The following P4HB variants were observed in gnomAD, a reference collection of about 807,000 sequenced individuals.
P4HB encodes the protein prolyl 4-hydroxylase subunit beta.
A neutral mutation model predicts 52.6 loss-of-function variants in P4HB; 20 were observed. The observed-to-expected ratio is 0.38, with a 90% CI of 0.27 to 0.55. The LOEUF is 0.55. P4HB is among the 20% of genes least tolerant of loss of function. The probability of loss-of-function intolerance (pLI) is 0.74; values close to 1 mark genes in which losing one functional copy is unlikely to be tolerated. For missense variants in P4HB, 601 were observed against 669.2 expected (o/e 0.90, Z 1.12); for synonymous variants, 296 against 277.9 (o/e 1.07, Z -0.65).
At position 81,845,968 on chromosome 17, in the gene P4HB, C is replaced by T. The variant is rs2143316672; in HGVS notation, c.1080G>A (p.Leu360=). ...KIKPHLMSQE[L]PEDWDKQPVK... ...CAGGCTGCTTGTCCCAGTCCTCCGG[C>T]AGCTCCTGGCTCATCAGGTGGGGCT... is the stretch of plus-strand genomic sequence containing the variant. The change falls in exon 8 of 11, where the codon CTG becomes CTA. Residue 360 remains leucine (L), a synonymous_variant. Transcript: ENST00000331483. 1.2e-6 allele frequency: 2 copies of T among 1,611,360 alleles called. No individual in the cohort carries two copies. Among genetic ancestry groups the T allele is most frequent in the Non-Finnish European group, 1.7e-6 (2 of 1,178,480 alleles).
chr17:81,848,214 TCA>T (rs1359427241), intron 4 of P4HB, among the ~76,000 whole-genome samples: 1 of 152,186 alleles, frequency 6.6e-6, no homozygotes, highest in Non-Finnish European at 1.5e-5. Context: ...AAAGCTATTT[TCA>T]CACTCACACT....
intron 10 of P4HB, 84 bp from the exon 11 acceptor site, chr17:81,844,176 A>C: frequency 1.0e-6 from 1 of 968,522 alleles, no homozygotes; most frequent in Non-Finnish European, 1.7e-6. Context: ...CACTGCTCAC[A>C]CCGGGGACTA....
At chr17:81,859,446 C>A in intron 1 of P4HB, 59 bp from the exon 2 acceptor site, 1 of 1,410,500 alleles carries the variant, frequency 7.1e-7, no homozygotes, top group South Asian at 1.2e-5. Flanking sequence ...GCCTTGATCC[C>A]TCAGCAGTGC....
In P4HB at chr17:81,855,558, G is replaced by A; in HGVS notation, c.381C>T (p.Asn127=). ...TAGREADDIV[N]WLKKRTGPAA... ...CCGGGCCCGTGCGCTTCTTCAGCCA[G>A]TTCACGATGTCATCAGCCTCTCTGC... Residue 127 remains asparagine, a synonymous_variant, in exon 3 of 11, where the codon AAC becomes AAT. Transcript: ENST00000331483. The surrounding 1 kb of genome is among the most constrained non-coding windows in gnomAD (Gnocchi z 4.3). The A allele has an allele frequency of 1.2e-6, 2 of 1,613,952 alleles. No homozygotes were observed. Among genetic ancestry groups the A allele is most frequent in the African/African-American group, 2.7e-5 (2 of 75,044 alleles).
At position 81,855,318 on chromosome 17, in the gene P4HB, G is replaced by C. The variant is rs779902956; in HGVS notation, c.487-39C>G. 14 of 1,612,652 alleles carry C rather than the reference G, an allele frequency of 8.7e-6. No individual in the cohort carries two copies. In the Middle Eastern group the frequency reaches 1.7e-3, roughly 201 times the overall value. ...GAGAAGCAGAGGTCGTCATGATCCC[G>C]CAGCACCAAGCAGTAGGGCAGACCC... is the stretch of plus-strand genomic sequence containing the variant. On this transcript the variant is annotated intron_variant, in intron 3 of 10. Transcript: ENST00000331483. This position sits in a 1 kb window ranked among gnomAD's most constrained non-coding sequence, Gnocchi z 4.3.
At chr17:81,854,163 A>G (rs926118201) in intron 4 of P4HB, among the ~76,000 whole-genome samples, 15 of 152,272 alleles carry the variant, frequency 9.9e-5, no homozygotes, top group African/African-American at 3.1e-4. Flanking sequence ...CAGAGCGCCA[A>G]TACTCCAGAC....
intron 4 of P4HB, among the ~76,000 whole-genome samples, chr17:81,852,752 G>A (rs1057432663): frequency 3.3e-5 from 5 of 152,238 alleles, no homozygotes; most frequent in South Asian, 2.1e-4. Context: ...CAAGAGCAAC[G>A]AAACCACCCT....
At chr17:81,851,076 G>A (rs1003742965) in intron 4 of P4HB, among the ~76,000 whole-genome samples, 3 of 151,970 alleles carry the variant, frequency 2.0e-5, no homozygotes, top group African/African-American at 7.2e-5. Flanking sequence ...GACTACAGGT[G>A]CCCGCCACCA....
At chr17:81,850,640 C>T (rs1242660645) in intron 4 of P4HB, among the ~76,000 whole-genome samples, 4 of 151,578 alleles carry the variant, frequency 2.6e-5, no homozygotes, top group Non-Finnish European at 5.9e-5. Context: ...TGTGCCAACA[C>T]GCCTGGCAAA....
chr17:81,853,204 G>A (rs148500219), intron 4 of P4HB, among the ~76,000 whole-genome samples: 41 of 152,224 alleles, frequency 2.7e-4, no homozygotes, highest in African/African-American at 9.1e-4. Context: ...TGACCCACCC[G>A]CACCACCGCG....
In P4HB at chr17:81,846,896, T is replaced by C. The variant is rs762173305; in HGVS notation, c.855+51A>G. On this transcript the variant is annotated intron_variant, in intron 6 of 10. Coordinates refer to ENST00000331483, the MANE Select transcript of P4HB (RefSeq NM_000918.4). The surrounding 1 kb of genome is among the most constrained non-coding windows in gnomAD (Gnocchi z 5.7). ...CCCACACTTGTCACCTCGGGAAGAG[T>C]TGTACTGCTCCCTGGCACCGCCCCA... 1 of 1,608,576 alleles carries C rather than the reference T, an allele frequency of 6.2e-7. No individual in the cohort carries two copies. The highest frequency in any genetic ancestry group is 1.3e-5 in the African/African-American group (1 of 74,726).
intron 2 of P4HB, among the ~76,000 whole-genome samples, chr17:81,856,864 G>C (rs2038919694): frequency 6.6e-6 from 1 of 151,872 alleles, no homozygotes; most frequent in Admixed American, 6.6e-5. Context: ...TGGCCAGGCT[G>C]GTCTTGAACT....
chr17:81,847,187 C>A, intron 5 of P4HB, 56 bp downstream of exon 5: 1 of 1,598,104 alleles, frequency 6.3e-7, no homozygotes, highest in South Asian at 1.1e-5. Flanking sequence ...GAGCCTCATG[C>A]CACCCCCAAC....
chr17:81,847,511 G>T, intron 4 of P4HB, 164 bp from the exon 5 acceptor site: 2 of 643,598 alleles, frequency 3.1e-6, no homozygotes. Flanking sequence ...GCTGTTCCTC[G>T]ACAGTAAGAC....
At chr17:81,852,686 C>G (rs900394267) in intron 4 of P4HB, among the ~76,000 whole-genome samples, 1 of 152,256 alleles carries the variant, frequency 6.6e-6, no homozygotes, top group South Asian at 2.1e-4. Context: ...AGAATGGAGA[C>G]AGAACGTTAA....
chr17:81,852,655 C>T (rs1206285435), intron 4 of P4HB, among the ~76,000 whole-genome samples: 1 of 152,266 alleles, frequency 6.6e-6, no homozygotes, highest in African/African-American at 2.4e-5. Flanking sequence ...TTTGTCTGTG[C>T]CCAGCTCTAG....
At chr17:81,847,667 GTCAAAGCTATTTTCTT>G (rs1567837132) in intron 4 of P4HB, 2 of 388,958 alleles carry the variant, frequency 5.1e-6, no homozygotes, top group Non-Finnish European at 9.6e-6. Context: ...CACCCATGTG[GTCAAAGCTATTTTCTT>G]TTTTATTTGT....
intron 4 of P4HB, among the ~76,000 whole-genome samples, chr17:81,851,606 C>T (rs1598267596): frequency 6.6e-6 from 1 of 152,302 alleles, no homozygotes; most frequent in African/African-American, 2.4e-5. Context: ...GCACTGTGCC[C>T]AGGAGTAACG....
At position 81,860,313 on chromosome 17, in the gene P4HB, G is replaced by A; in HGVS notation, c.145+14C>T. 3 of 1,446,320 alleles carry A rather than the reference G, an allele frequency of 2.1e-6. No individual in the cohort carries two copies. The highest frequency in any genetic ancestry group is 1.4e-5 in the South Asian group (1 of 73,170). 89.6% of individuals were successfully genotyped at this position (1,446,320 alleles called of 1,614,324 possible). On this transcript the variant is annotated intron_variant, in intron 1 of 10. Transcript: ENST00000331483. ...GGCCCCGAGCCCCGCCCGCCCGCCA[G>A]GCCCGGCGCTCACAGAACTCCACCA...
Sources: allele counts gnomAD v4.1 joint callset (sites outside exome capture counted in the v4.1 genomes callset), GRCh38; gene constraint gnomAD v4.1.1; non-coding constraint Gnocchi (gnomAD v3.1); transcripts MANE v1.5; gene names NCBI Gene and HGNC (gene_info 2026-07-23, HGNC 2026-07-21).